Variants in CDH13 observed in about 807,000 individuals in gnomAD.
The protein encoded by CDH13 is cadherin-13.
Under a neutral mutation model 63.8 loss-of-function variants are expected in CDH13, and 24 were observed. That is an observed-to-expected ratio of 0.38 (90% CI 0.27 to 0.53). The LOEUF (loss-of-function observed/expected upper bound fraction) is 0.53. CDH13 is among the 20% of genes least tolerant of loss of function. CDH13 has a pLI of 0.85. For missense variants in CDH13, 1,049 were observed against 903.1 expected, an observed-to-expected ratio of 1.16 and a Z score of -2.07; for synonymous variants, 503 against 355.3, an observed-to-expected ratio of 1.42 and a Z score of -4.67.
intron 10 of CDH13, among the ~76,000 whole-genome samples, chr16:83,736,657 G>A (rs1327439337): frequency 6.6e-6 from 1 of 152,072 alleles, no homozygotes; most frequent in Non-Finnish European, 1.5e-5. Flanking sequence ...GTGGGGGAGG[G>A]CAGTGGCAGT....
intron 6 of CDH13, among the ~76,000 whole-genome samples, chr16:83,416,623 C>G (rs1390401045): frequency 6.6e-6 from 1 of 152,170 alleles, no homozygotes; most frequent in African/African-American, 2.4e-5. Context: ...AATCTCTGAC[C>G]TCCCTCCTGA....
intron 1 of CDH13, among the ~76,000 whole-genome samples, chr16:82,818,544 G>C (rs960991337): frequency 1.3e-5 from 2 of 152,194 alleles, no homozygotes; most frequent in Non-Finnish European, 2.9e-5. Flanking sequence ...TCTCTTGAAG[G>C]ATGGGTAGGA....
intron 7 of CDH13, among the ~76,000 whole-genome samples, chr16:83,569,829 C>A (rs142779331): frequency 2.0e-5 from 3 of 152,120 alleles, no homozygotes; most frequent in African/African-American, 4.8e-5. Context: ...CTCTGCCTCC[C>A]GGGTTCAAGT....
chr16:83,249,614 C>G (rs957581456), intron 5 of CDH13, among the ~76,000 whole-genome samples: 1 of 152,172 alleles, frequency 6.6e-6, no homozygotes, highest in Non-Finnish European at 1.5e-5. Context: ...AGATCTGACA[C>G]CGTGTGTCTG....
intron 6 of CDH13, among the ~76,000 whole-genome samples, chr16:83,418,889 T>C (rs1423614219): frequency 4.6e-5 from 7 of 152,136 alleles, no homozygotes; most frequent in African/African-American, 1.7e-4. Flanking sequence ...TGCAGGCCCA[T>C]TTGGTAAATG....
chr16:83,023,212 G>C (rs1287455687), intron 2 of CDH13: 2 of 152,166 alleles, frequency 1.3e-5, no homozygotes, highest in South Asian at 2.1e-4. Context: ...GGGACATTTT[G>C]AGTGGAAAAG....
chr16:82,950,185 C>A (rs1005912570), intron 2 of CDH13, among the ~76,000 whole-genome samples: 1 of 152,122 alleles, frequency 6.6e-6, no homozygotes, highest in African/African-American at 2.4e-5. Context: ...TGAGGGGAAT[C>A]TGTTCATGCC....
chr16:83,711,404 T>A (rs1267043275), intron 10 of CDH13, among the ~76,000 whole-genome samples: 1 of 152,198 alleles, frequency 6.6e-6, no homozygotes, highest in African/African-American at 2.4e-5. Flanking sequence ...TTTATCTTAG[T>A]GTAATCAGTC....
chr16:82,891,510 T>C (rs1028232996), intron 2 of CDH13, among the ~76,000 whole-genome samples: 32 of 152,326 alleles, frequency 2.1e-4, no homozygotes, highest in African/African-American at 7.0e-4. Context: ...TTGGGTTGTC[T>C]GGAAGATCCC....
intron 4 of CDH13, among the ~76,000 whole-genome samples, chr16:83,150,973 C>T (rs568704558): frequency 1.3e-5 from 2 of 152,134 alleles, no homozygotes; most frequent in South Asian, 4.1e-4. Context: ...TTTTACATTC[C>T]CAGTGCATTG....
intron 3 of CDH13, among the ~76,000 whole-genome samples, chr16:83,050,262 A>G (rs2030156558): frequency 6.6e-6 from 1 of 152,166 alleles, no homozygotes; most frequent in Non-Finnish European, 1.5e-5. Flanking sequence ...GCTGGCTCAA[A>G]TGATAATTCT....
At chr16:83,209,451 T>G (rs117463651) in intron 4 of CDH13, among the ~76,000 whole-genome samples, 2,075 of 152,266 alleles carry the variant, frequency 0.014, 28 homozygotes, top group Middle Eastern at 0.027. Context: ...GCATTTACCA[T>G]GCAGGGGAAT....
chr16:82,886,846 A>G (rs1056444136), intron 2 of CDH13, among the ~76,000 whole-genome samples: 2 of 152,034 alleles, frequency 1.3e-5, no homozygotes, highest in African/African-American at 4.8e-5. Flanking sequence ...AGTGGGTCTC[A>G]TTTTATCTCC....
intron 5 of CDH13, among the ~76,000 whole-genome samples, chr16:83,228,613 C>A (rs773798138): frequency 6.6e-6 from 1 of 152,124 alleles, no homozygotes; most frequent in Admixed American, 6.5e-5. Flanking sequence ...GAGACAGAGA[C>A]GCGGACGGGG....
intron 3 of CDH13, among the ~76,000 whole-genome samples, chr16:83,120,272 G>C (rs1231273070): frequency 6.6e-6 from 1 of 152,176 alleles, no homozygotes; most frequent in Non-Finnish European, 1.5e-5. Flanking sequence ...GAAATGGATG[G>C]GCAGCTGTGG....
chr16:83,756,307 C>T (rs1167123581), intron 11 of CDH13, among the ~76,000 whole-genome samples: 1 of 152,156 alleles, frequency 6.6e-6, no homozygotes, highest in African/African-American at 2.4e-5. Context: ...TATTATCAGA[C>T]TATTTTTAAA....
intron 1 of CDH13, among the ~76,000 whole-genome samples, chr16:82,774,934 G>A (rs1458491445): frequency 2.6e-5 from 4 of 152,176 alleles, no homozygotes; most frequent in Non-Finnish European, 5.9e-5. Context: ...GAATCTTGGC[G>A]GTTAAATGCT....
chr16:83,762,273 C>A (rs1914034766), intron 11 of CDH13, among the ~76,000 whole-genome samples: 1 of 151,980 alleles, frequency 6.6e-6, no homozygotes, highest in African/African-American at 2.4e-5. Context: ...CGTCATTTGC[C>A]TTATATGGTC....
chr16:83,646,089 C>A (rs974961409), intron 8 of CDH13, among the ~76,000 whole-genome samples: 1 of 152,158 alleles, frequency 6.6e-6, no homozygotes, highest in Non-Finnish European at 1.5e-5. Context: ...GATGCTCTCC[C>A]ACTGGGCCCT....
Sources: allele counts gnomAD v4.1 joint callset (sites outside exome capture counted in the v4.1 genomes callset), GRCh38; gene constraint gnomAD v4.1.1; transcripts MANE v1.5; gene names NCBI Gene and HGNC (gene_info 2026-07-23, HGNC 2026-07-21).